The following ENOX2 variants were observed in gnomAD, a reference collection of about 807,000 sequenced individuals.
The protein encoded by ENOX2 is ecto-NOX disulfide-thiol exchanger 2, also known as APK1 antigen.
ENOX2 carries 36 observed loss-of-function variants against 45.0 expected under a neutral mutation model. That is an observed-to-expected ratio of 0.80 (90% CI 0.61 to 1.06). The LOEUF (loss-of-function observed/expected upper bound fraction) is 1.06. ENOX2 is among the 50% of genes least tolerant of loss of function. The pLI, the probability that ENOX2 is intolerant of heterozygous loss-of-function variation, is 0.00. For synonymous variants in ENOX2, 174 were observed against 152.3 expected, an observed-to-expected ratio of 1.14 and a Z score of -1.05; for missense variants, 423 against 462.5, an observed-to-expected ratio of 0.91 and a Z score of 0.78.
intron 2 of ENOX2, among the ~76,000 whole-genome samples, chrX:130,809,347 G>A (rs931930046): frequency 8.9e-5 from 10 of 112,182 alleles, no homozygotes; most frequent in Non-Finnish European, 1.3e-4. Context: ...TTATAACACT[G>A]TCATGAAGAA....
Position 130,676,696 on chromosome X carries a change from A to C in ENOX2, c.460+2846T>G, listed in dbSNP as rs1174878621. 1.4e-4 allele frequency among the ~76,000 whole-genome samples: 15 copies of C among 107,096 alleles called. No individual in the cohort carries two copies. The Admixed American group carries it at 1.5e-3, about 10-fold the overall frequency. The allele number at this position is 107,096 out of a possible 115,157, so 93.0% of individuals were successfully genotyped here. Reference sequence around the variant, plus strand: ...GTAATTAGATTCTATAGCACTTACCAAATGTAAAAAGAGTATTCTCCATCT... The same window carrying C: ...GTAATTAGATTCTATAGCACTTACCCAATGTAAAAAGAGTATTCTCCATCT... On this transcript the variant is annotated intron_variant, in intron 6 of 14. Coordinates refer to ENST00000394363, the MANE Select transcript of ENOX2 (RefSeq NM_006375.4).
intron 2 of ENOX2, among the ~76,000 whole-genome samples, chrX:130,802,613 G>T (rs1040547799): frequency 9.0e-6 from 1 of 111,610 alleles, no homozygotes; most frequent in African/African-American, 3.3e-5. Flanking sequence ...CTTGTTTAAA[G>T]TTCCACAGCA....
intron 10 of ENOX2, among the ~76,000 whole-genome samples, chrX:130,639,070 C>T (rs1483339986): frequency 8.9e-6 from 1 of 112,100 alleles, no homozygotes; most frequent in African/African-American, 3.2e-5. Context: ...GTTTTAGCTC[C>T]AGGAGATATA....
At chrX:130,827,090 A>G (rs902848254) in intron 2 of ENOX2, among the ~76,000 whole-genome samples, 4 of 112,448 alleles carry the variant, frequency 3.6e-5, no homozygotes, top group African/African-American at 9.7e-5. Context: ...TTCAAGATTG[A>G]GAACTTGACT....
In ENOX2 at chrX:130,821,742, T is replaced by TAAAAAAAAAAAAAAAAAAAAAAAAAAA; in HGVS notation, c.-182-38079_-182-38053dup. 4.7e-4 allele frequency among the ~76,000 whole-genome samples: 11 copies of TAAAAAAAAAAAAAAAAAAAAAAAAAAA among 23,183 alleles called. 1 individual carries two copies. Among genetic ancestry groups the TAAAAAAAAAAAAAAAAAAAAAAAAAAA allele is most frequent in the East Asian group, 1.2e-3 (1 of 820 alleles). 20.1% of individuals were successfully genotyped at this position (23,183 alleles called of 115,157 possible). ...AATAAATAAAAATAAATAAATAAAT[T>TAAAAAAAAAAAAAAAAAAAAAAAAAAA]AAAAAAAAAAAAAAAAAAAAAAAAA... On this transcript the variant is annotated intron_variant, in intron 2 of 14. Transcript: ENST00000394363.
At chrX:130,721,690 T>G (rs980265917) in intron 3 of ENOX2, among the ~76,000 whole-genome samples, 1 of 111,900 alleles carries the variant, frequency 8.9e-6, no homozygotes, top group African/African-American at 3.3e-5. Flanking sequence ...GGGGCAGCAC[T>G]GTTACTGTCA....
chrX:130,730,773 A>G (rs2038720299), intron 3 of ENOX2, among the ~76,000 whole-genome samples: 1 of 105,208 alleles, frequency 9.5e-6, no homozygotes, highest in African/African-American at 3.4e-5. Flanking sequence ...GATGGGGGGA[A>G]TGGGGGGCTT....
intron 9 of ENOX2, among the ~76,000 whole-genome samples, chrX:130,657,949 AAT>A (rs1569481742): frequency 8.9e-6 from 1 of 112,162 alleles, no homozygotes; most frequent in Non-Finnish European, 1.9e-5. Context: ...ATGTAAAGAA[AAT>A]ATGTTTATAA....
At position 130,742,454 on chromosome X, in the gene ENOX2, T is replaced by C. The variant is rs941445602; in HGVS notation, c.-38-39200A>G. 4.6e-5 allele frequency among the ~76,000 whole-genome samples: 5 copies of C among 109,610 alleles called. No homozygotes were observed. In the South Asian group the frequency reaches 1.6e-3, roughly 35 times the overall value. On this transcript the variant is annotated intron_variant, in intron 3 of 14. Transcript: ENST00000394363. ...CAACAATTTGAAGGGAGGTCTCTAA[T>C]AGTTGCTACAGGGCTCTCTACTTGA...
At chrX:130,653,274 A>G (rs929617107) in intron 10 of ENOX2, among the ~76,000 whole-genome samples, 7 of 111,929 alleles carry the variant, frequency 6.3e-5, no homozygotes, top group African/African-American at 9.7e-5. Flanking sequence ...CTGTAAAAGT[A>G]TCTGGTTAGA....
At chrX:130,855,308 A>C (rs933880604) in intron 2 of ENOX2, among the ~76,000 whole-genome samples, 6 of 112,306 alleles carry the variant, frequency 5.3e-5, no homozygotes, top group African/African-American at 9.7e-5. Flanking sequence ...AAAAAAGAGA[A>C]ATATGTAGGT....
At chrX:130,772,882 A>G (rs975124349) in intron 3 of ENOX2, among the ~76,000 whole-genome samples, 5 of 112,375 alleles carry the variant, frequency 4.4e-5, no homozygotes, top group Admixed American at 9.4e-5. Flanking sequence ...CTTGCACTCA[A>G]TCTTCTACCT....
intron 3 of ENOX2, among the ~76,000 whole-genome samples, chrX:130,714,631 GACT>G (rs927183381): frequency 1.8e-5 from 2 of 111,745 alleles, no homozygotes. Flanking sequence ...GTTATTGCAA[GACT>G]ACGAGATACA....
At chrX:130,844,291 C>A in intron 2 of ENOX2, among the ~76,000 whole-genome samples, 1 of 112,033 alleles carries the variant, frequency 8.9e-6, no homozygotes, top group East Asian at 2.8e-4. Flanking sequence ...CCTACTCCCC[C>A]CTTGCCTGTC....
intron 13 of ENOX2, among the ~76,000 whole-genome samples, chrX:130,629,315 A>G (rs1265792936): frequency 8.8e-6 from 1 of 113,200 alleles, no homozygotes; most frequent in African/African-American, 3.2e-5. Flanking sequence ...ATGCCAAGAA[A>G]TAACTCCAGA....
intron 3 of ENOX2, among the ~76,000 whole-genome samples, chrX:130,740,657 G>A (rs905426697): frequency 4.5e-5 from 5 of 111,709 alleles, no homozygotes; most frequent in Admixed American, 3.8e-4. Context: ...AAAGGGGCAG[G>A]CATACATGAG....
intron 2 of ENOX2, among the ~76,000 whole-genome samples, chrX:130,813,273 C>T (rs147545976): frequency 3.3e-3 from 366 of 112,099 alleles, no homozygotes; most frequent in African/African-American, 0.011. Context: ...GCCAAGAACA[C>T]GCAAGGAGAA....
intron 4 of ENOX2, among the ~76,000 whole-genome samples, chrX:130,700,147 T>G (rs1486966957): frequency 8.9e-6 from 1 of 112,311 alleles, no homozygotes; most frequent in Non-Finnish European, 1.9e-5. Context: ...GCATTCTGGA[T>G]CTAGAACCCA....
At chrX:130,886,898 T>C (rs2078914064) in intron 2 of ENOX2, among the ~76,000 whole-genome samples, 1 of 112,184 alleles carries the variant, frequency 8.9e-6, no homozygotes, top group African/African-American at 3.2e-5. Context: ...AGCACTGTCT[T>C]CTGTGCAAAC....
Sources: gnomAD v4.1 joint callset for allele counts (sites outside exome capture counted in the v4.1 genomes callset) on GRCh38, gnomAD v4.1.1 for gene constraint, MANE v1.5 for transcripts, NCBI Gene and HGNC (gene_info 2026-07-23, HGNC 2026-07-21) for gene names.